The following GABRA5 variants were observed in gnomAD, a reference collection of about 807,000 sequenced individuals.
GABRA5 encodes gamma-aminobutyric acid type A receptor subunit alpha5, also known as gamma-aminobutyric acid receptor subunit alpha-5.
A neutral mutation model predicts 47.3 loss-of-function variants in GABRA5; 18 were observed. The observed-to-expected ratio is 0.38, with a 90% confidence interval of 0.26 to 0.56. The LOEUF (loss-of-function observed/expected upper bound fraction) is 0.56, where lower values mean the gene tolerates loss of function less well. Among genes scored for constraint, GABRA5 ranks in the 20% least tolerant of loss-of-function variants. The pLI is 0.71. For synonymous variants in GABRA5, 237 were observed against 229.3 expected (o/e 1.03, Z -0.30); for missense variants, 365 against 599.3 (o/e 0.61, Z 4.08).
At chr15:26,919,378 A>T (rs895361342) in intron 7 of GABRA5, among the ~76,000 whole-genome samples, 9 of 151,488 alleles carry the variant, frequency 5.9e-5, no homozygotes, top group Non-Finnish European at 1.0e-4. Context: ...ATATGCTTTG[A>T]TTCCTTTCTC....
chr15:26,907,458 A>G (rs1484394416), intron 6 of GABRA5, among the ~76,000 whole-genome samples: 1 of 152,146 alleles, frequency 6.6e-6, no homozygotes, highest in East Asian at 1.9e-4. Context: ...TGTCTCATCT[A>G]TTTCTTATGA....
At chr15:26,908,408 G>C (rs1292682241) in intron 6 of GABRA5, among the ~76,000 whole-genome samples, 3 of 152,180 alleles carry the variant, frequency 2.0e-5, no homozygotes, top group Non-Finnish European at 1.5e-5. Context: ...TTGCAGCTAT[G>C]AGTACACCAG....
At chr15:26,878,646 C>T (rs1188230834) in intron 3 of GABRA5, among the ~76,000 whole-genome samples, 1 of 152,160 alleles carries the variant, frequency 6.6e-6, no homozygotes, top group Non-Finnish European at 1.5e-5. Flanking sequence ...GCCATGGCCC[C>T]ATCGTACAAA....
At chr15:26,919,848 A>G (rs2140298804) in intron 7 of GABRA5, among the ~76,000 whole-genome samples, 1 of 151,894 alleles carries the variant, frequency 6.6e-6, no homozygotes, top group South Asian at 2.1e-4. Context: ...TTTCTGGAAA[A>G]GTTTTTGTCT....
At chr15:26,879,159 T>A (rs558571445) in intron 3 of GABRA5, among the ~76,000 whole-genome samples, 1 of 152,318 alleles carries the variant, frequency 6.6e-6, no homozygotes, top group South Asian at 2.1e-4. Context: ...ATTGGTAAGA[T>A]AAAGAGACAG....
chr15:26,928,707 C>G (rs1318066083), intron 7 of GABRA5, among the ~76,000 whole-genome samples: 2 of 152,162 alleles, frequency 1.3e-5, no homozygotes, highest in Non-Finnish European at 2.9e-5. Context: ...TTGCTTTAGT[C>G]TGGTTTGGCT....
At chr15:26,874,021 G>A (rs1157158732) in intron 3 of GABRA5, among the ~76,000 whole-genome samples, 2 of 152,198 alleles carry the variant, frequency 1.3e-5, no homozygotes, top group Middle Eastern at 3.2e-3. Flanking sequence ...GAGCAGGCAG[G>A]AGAGTCGGCC....
At chr15:26,912,756 T>A (rs369314504) in intron 6 of GABRA5, among the ~76,000 whole-genome samples, 6 of 152,242 alleles carry the variant, frequency 3.9e-5, no homozygotes, top group African/African-American at 1.4e-4. Context: ...GACTTTTATA[T>A]ACCAAGAATG....
At position 26,937,233 on chromosome 15, in the gene GABRA5, C is replaced by G. The variant is rs1163425162; in HGVS notation, c.629C>G (p.Thr210Ser). 2 of 1,613,976 alleles carry G rather than the reference C, an allele frequency of 1.2e-6. No homozygotes were observed. The highest frequency in any genetic ancestry group is 1.7e-6 in the Non-Finnish European group (2 of 1,179,848). Residue 210 changes from threonine (T) to serine (S), a missense_variant, in exon 8 of 11, where the codon ACC (threonine) becomes AGC (serine). By Grantham distance (58) the Thr-to-Ser change is moderately conservative. Transcript: ENST00000335625. Reference protein sequence around the residue: ...EVVYVWTNGSTKSVVVAEDGS... With the variant: ...EVVYVWTNGSSKSVVVAEDGS... Reference sequence around the variant, plus strand: ...GTTTACGTCTGGACCAACGGCTCCACCAAGTCGGTGGTGGTGGCGGAAGAT... The same window carrying G: ...GTTTACGTCTGGACCAACGGCTCCAGCAAGTCGGTGGTGGTGGCGGAAGAT...
In GABRA5 at chr15:26,883,685, C is replaced by A; in HGVS notation, c.497+128C>A. On this transcript the variant is annotated intron_variant, in intron 6 of 10. Coordinates refer to ENST00000335625, the MANE Select transcript of GABRA5 (RefSeq NM_000810.4). This position sits in a 1 kb window ranked among gnomAD's most constrained non-coding sequence, Gnocchi z 4.8. Reference sequence around the variant, plus strand: ...GGTCTGAGACTGCGGCGCGTGTGTGCTGGGGGTTCCCCGTTGCCATCTGCC... The same window carrying A: ...GGTCTGAGACTGCGGCGCGTGTGTGATGGGGGTTCCCCGTTGCCATCTGCC... 2 of 737,666 alleles carry A rather than the reference C, an allele frequency of 2.7e-6. No homozygotes were observed. The highest frequency in any genetic ancestry group is 4.2e-6 in the Non-Finnish European group (2 of 476,240). 45.7% of individuals were successfully genotyped at this position (737,666 alleles called of 1,614,324 possible). A position where few individuals can be genotyped will look rare whatever the true frequency, so the allele number is the denominator to read the frequency against.
intron 7 of GABRA5, among the ~76,000 whole-genome samples, chr15:26,926,118 A>T (rs1566882132): frequency 6.6e-6 from 1 of 152,180 alleles, no homozygotes; most frequent in Non-Finnish European, 1.5e-5. Context: ...CTATCTGAGC[A>T]TCAGCTGCCT....
At chr15:26,878,451 A>G (rs1892650374) in intron 3 of GABRA5, among the ~76,000 whole-genome samples, 1 of 151,884 alleles carries the variant, frequency 6.6e-6, no homozygotes, top group South Asian at 2.1e-4. Context: ...CAGATGAAGC[A>G]TTTTTGAGGA....
At chr15:26,920,646 T>C (rs1057420264) in intron 7 of GABRA5, among the ~76,000 whole-genome samples, 1 of 152,174 alleles carries the variant, frequency 6.6e-6, no homozygotes, top group African/African-American at 2.4e-5. Flanking sequence ...TCCTCATTTC[T>C]TTATATTCTG....
intron 6 of GABRA5, among the ~76,000 whole-genome samples, chr15:26,891,265 C>G (rs1236584598): frequency 1.3e-5 from 2 of 152,198 alleles, no homozygotes; most frequent in African/African-American, 4.8e-5. Flanking sequence ...CAGACATCCT[C>G]GTCCTAGTGA....
intron 3 of GABRA5, among the ~76,000 whole-genome samples, chr15:26,879,711 C>T (rs955242880): frequency 6.6e-6 from 1 of 152,180 alleles, no homozygotes; most frequent in Admixed American, 6.5e-5. Context: ...AGGCCTGCAT[C>T]GATTCTGACC....
At chr15:26,903,400 T>C (rs12898842) in intron 6 of GABRA5, among the ~76,000 whole-genome samples, 136,862 of 152,204 alleles carry the variant, frequency 0.9, 61,696 homozygotes, top group Middle Eastern at 0.94. Context: ...TATTGTGAAT[T>C]GTGCTATAAT....
At position 26,896,933 on chromosome 15, in the gene GABRA5, GA is replaced by G. The variant is rs766402881; in HGVS notation, c.497+13383del. On this transcript the variant is annotated intron_variant, in intron 6 of 10. Coordinates refer to ENST00000335625, the MANE Select transcript of GABRA5 (RefSeq NM_000810.4). ...TAAGCAGTGTAAATTAATATGTAGA[GA>G]AAAAAATCTCTACATCTTACAGATG... Among the ~76,000 whole-genome samples the G allele has an allele frequency of 2.3e-4, 8 of 34,640 alleles. No homozygotes were observed. In the East Asian group the frequency reaches 2.8e-3, roughly 12 times the overall value. The allele number at this position is 34,640 out of a possible 152,430, so 22.7% of individuals were successfully genotyped here. A position where few individuals can be genotyped will look rare whatever the true frequency, so the allele number is the denominator to read the frequency against.
chr15:26,939,480 G>A (rs769477401), intron 8 of GABRA5: 1 of 737,548 alleles, frequency 1.4e-6, no homozygotes, highest in Non-Finnish European at 2.5e-6. Context: ...GCCTGCTGCT[G>A]GTGGGAGTGG....
At chr15:26,941,492 C>A (rs1894383428) in intron 9 of GABRA5, among the ~76,000 whole-genome samples, 1 of 152,066 alleles carries the variant, frequency 6.6e-6, no homozygotes. Context: ...TGATTTCATG[C>A]AGGGAATGAC....
Sources: gnomAD v4.1 joint callset for allele counts (sites outside exome capture counted in the v4.1 genomes callset) on GRCh38, gnomAD v4.1.1 for gene constraint, Gnocchi (gnomAD v3.1) non-coding constraint, MANE v1.5 for transcripts, NCBI Gene and HGNC (gene_info 2026-07-23, HGNC 2026-07-21) for gene names.